NSMCE1: variants seen among roughly 807,000 people sequenced by gnomAD.
NSMCE1 encodes non-structural maintenance of chromosomes element 1 homolog.
Under a neutral mutation model 29.6 loss-of-function variants are expected in NSMCE1, and 18 were observed. That is an observed-to-expected ratio of 0.61 (90% CI 0.42 to 0.90). The LOEUF is 0.90. Ranked by LOEUF, NSMCE1 falls within the 40% of genes least tolerant of loss-of-function variation. The pLI, the probability that NSMCE1 is intolerant of heterozygous loss-of-function variation, is 0.00. For synonymous variants in NSMCE1, 124 were observed against 133.4 expected, an observed-to-expected ratio of 0.93 and a Z score of 0.49; for missense variants, 314 against 343.6, an observed-to-expected ratio of 0.91 and a Z score of 0.68.
chr16:27,256,318 T>C (rs1489843709), intron 2 of NSMCE1, among the ~76,000 whole-genome samples: 2 of 152,332 alleles, frequency 1.3e-5, no homozygotes, highest in African/African-American at 4.8e-5. Flanking sequence ...TAATGTCACG[T>C]TGGCTTCAAG....
chr16:27,255,449 T>G (rs1405788854), intron 2 of NSMCE1, among the ~76,000 whole-genome samples: 2 of 152,204 alleles, frequency 1.3e-5, no homozygotes, highest in Non-Finnish European at 2.9e-5. Flanking sequence ...ACGAAAAGAA[T>G]GTATTCTCTT....
At chr16:27,226,587 C>A in intron 6 of NSMCE1, 133 bp downstream of exon 6, 1 of 628,060 alleles carries the variant, frequency 1.6e-6, no homozygotes, top group South Asian at 1.9e-5. Flanking sequence ...ATGGCCTCCG[C>A]CAGCTCTTGT....
chr16:27,257,900 G>A (rs1178836894), intron 1 of NSMCE1, among the ~76,000 whole-genome samples: 2 of 152,152 alleles, frequency 1.3e-5, no homozygotes, highest in East Asian at 1.9e-4. Context: ...TGATAGAAAC[G>A]TCCTCTGCAG....
intron 1 of NSMCE1, among the ~76,000 whole-genome samples, chr16:27,263,236 A>G (rs2084181105): frequency 6.6e-6 from 1 of 152,224 alleles, no homozygotes; most frequent in Admixed American, 6.5e-5. Context: ...ATAAAGACAC[A>G]TGCACGGGAA....
chr16:27,257,418 A>C lies in NSMCE1; in HGVS notation c.136+17T>G. 3 of 1,597,798 alleles carry C rather than the reference A, an allele frequency of 1.9e-6. No individual in the cohort carries two copies. The highest frequency in any genetic ancestry group is 2.6e-6 in the Non-Finnish European group (3 of 1,170,960). On this transcript the variant is annotated intron_variant, in intron 2 of 7. Transcript: ENST00000361439. ...CACAGCACCAGAGCGCCCTGGGAAC[A>C]GGGAAACGGTACTCACGGTCATGGA...
chr16:27,253,000 G>A (rs530730440), intron 2 of NSMCE1, among the ~76,000 whole-genome samples: 6 of 152,256 alleles, frequency 3.9e-5, no homozygotes, highest in East Asian at 1.9e-4. Flanking sequence ...ACACAGAGGC[G>A]TTGAGACGGT....
At chr16:27,249,961 T>G (rs1375347709) in intron 2 of NSMCE1, among the ~76,000 whole-genome samples, 1 of 152,238 alleles carries the variant, frequency 6.6e-6, no homozygotes, top group Non-Finnish European at 1.5e-5. Flanking sequence ...TAGTTTTCAG[T>G]GTACGGGTCT....
chr16:27,235,386 C>G lies in NSMCE1; in HGVS notation c.137-87G>C, dbSNP rs2083809997. The G allele has an allele frequency of 2.7e-6, 4 of 1,489,602 alleles. No homozygotes were observed. In the African/African-American group the frequency reaches 5.6e-5, roughly 21 times the overall value. 92.3% of individuals were successfully genotyped at this position (1,489,602 alleles called of 1,614,324 possible). ...TTGCTTGAATCATTCCATCCCATCT[C>G]AACGCAGGGGACAGCAACCCCAGAC... On this transcript the variant is annotated intron_variant, in intron 2 of 7. Transcript: ENST00000361439.
At chr16:27,246,460 T>C (rs1363435205) in intron 2 of NSMCE1, among the ~76,000 whole-genome samples, 1 of 152,220 alleles carries the variant, frequency 6.6e-6, no homozygotes, top group Non-Finnish European at 1.5e-5. Context: ...TCCAGGGAAG[T>C]ATTTTAAAAC....
intron 6 of NSMCE1, chr16:27,226,407 ACACT>A: frequency 3.0e-6 from 1 of 333,358 alleles, no homozygotes; most frequent in Non-Finnish European, 5.5e-6. Flanking sequence ...TCGACAAGAG[ACACT>A]CACTACAAAA....
At chr16:27,263,542 TGAGGATG>T (rs1436893844) in intron 1 of NSMCE1, among the ~76,000 whole-genome samples, 2 of 152,138 alleles carry the variant, frequency 1.3e-5, no homozygotes, top group East Asian at 3.8e-4. Context: ...GGGGTCTATT[TGAGGATG>T]GAGGGTGGGA....
At chr16:27,248,471 C>T (rs934369323) in intron 2 of NSMCE1, among the ~76,000 whole-genome samples, 8 of 130,276 alleles carry the variant, frequency 6.1e-5, no homozygotes, top group African/African-American at 1.5e-4. Flanking sequence ...AGTGCAGTGG[C>T]GTGATCTCAG....
chr16:27,226,030 G>A, intron 6 of NSMCE1, 184 bp from the exon 7 acceptor site: 1 of 649,306 alleles, frequency 1.5e-6, no homozygotes, highest in South Asian at 1.9e-5. Flanking sequence ...CTTGCTGCTT[G>A]TTGCGGTGGG....
At position 27,264,432 on chromosome 16, in the gene NSMCE1, G is replaced by A. The variant is rs143460625; in HGVS notation, c.-12+4274C>T. Among the ~76,000 whole-genome samples, 768 of 152,246 alleles carry A rather than the reference G, an allele frequency of 5.0e-3. 2 individuals carry two copies. Among genetic ancestry groups the A allele is most frequent in the Non-Finnish European group, 6.8e-3 (465 of 68,012 alleles). ...AAGCTAGAGTAACGAGTACAGTGTG[G>A]TAATGGTACAGAGATAGACAAATAA... On this transcript the variant is annotated intron_variant, in intron 1 of 7. Transcript: ENST00000361439.
chr16:27,233,941 C>A (rs530947242), intron 4 of NSMCE1: 78 of 498,390 alleles, frequency 1.6e-4, no homozygotes, highest in African/African-American at 1.4e-3. Flanking sequence ...CCTGCTCTTG[C>A]CCATCCAGTT....
rs564286199 is a variant in NSMCE1 at position 27,228,934 on chromosome 16, C to G, written c.484-2098G>C. ...GGCAACCCACCTCCCCGGCCTCCAC[C>G]CTCTTCCACCCTCCCCTGCTCCTGC... On this transcript the variant is annotated intron_variant, in intron 5 of 7. Transcript: ENST00000361439. Among the ~76,000 whole-genome samples, 3 of 152,062 alleles carry G rather than the reference C, an allele frequency of 2.0e-5. No individual in the cohort carries two copies. In the East Asian group the frequency reaches 5.8e-4, roughly 29 times the overall value.
intron 7 of NSMCE1, 107 bp from the exon 8 acceptor site, chr16:27,225,343 G>C: frequency 1.4e-6 from 1 of 718,620 alleles, no homozygotes; most frequent in Non-Finnish European, 2.5e-6. Flanking sequence ...ACTGTCCTAG[G>C]TCTACACCAT....
chr16:27,227,949 C>T (rs945893240), intron 5 of NSMCE1, among the ~76,000 whole-genome samples: 38 of 152,110 alleles, frequency 2.5e-4, no homozygotes, highest in South Asian at 4.1e-4. Flanking sequence ...CCACGCCTGG[C>T]TAATTTTGTA....
At chr16:27,257,024 T>C (rs933968000) in intron 2 of NSMCE1, among the ~76,000 whole-genome samples, 5 of 152,218 alleles carry the variant, frequency 3.3e-5, no homozygotes, top group Non-Finnish European at 7.3e-5. Context: ...CAAGCTGCCC[T>C]GTGTCCATCA....
Sources: allele counts gnomAD v4.1 joint callset (sites outside exome capture counted in the v4.1 genomes callset), GRCh38; gene constraint gnomAD v4.1.1; transcripts MANE v1.5; gene names NCBI Gene and HGNC (gene_info 2026-07-23, HGNC 2026-07-21).